Variants in AFDN observed in about 807,000 individuals in gnomAD.
AFDN encodes afadin.
AFDN carries 68 observed loss-of-function variants against 216.6 expected under a neutral mutation model. The ratio of observed to expected loss-of-function variants is 0.31; its 90% CI spans 0.26 to 0.38. The LOEUF (loss-of-function observed/expected upper bound fraction) is 0.38. AFDN is among the 10% of genes least tolerant of loss of function. The pLI, the probability that AFDN is intolerant of heterozygous loss-of-function variation, is 1.00. For synonymous variants in AFDN, 868 were observed against 853.7 expected (o/e 1.02, Z -0.29); for missense variants, 2,136 against 2,342.0 (o/e 0.91, Z 1.82).
chr6:167,947,797 T>C, intron 27 of AFDN, 56 bp from the exon 28 acceptor site: 4 of 1,142,772 alleles, frequency 3.5e-6, no homozygotes, highest in East Asian at 4.8e-5. Flanking sequence ...TTTCATGTTA[T>C]ATATAGGTTG....
intron 1 of AFDN, among the ~76,000 whole-genome samples, chr6:167,832,809 G>C (rs974061546): frequency 1.3e-5 from 2 of 152,184 alleles, no homozygotes; most frequent in African/African-American, 4.8e-5. Flanking sequence ...ATGGCTTACA[G>C]AAAATAAGCA....
At chr6:167,921,808 TA>T (rs3837051) in intron 21 of AFDN, among the ~76,000 whole-genome samples, 5,285 of 148,280 alleles carry the variant, frequency 0.036, 101 homozygotes, top group African/African-American at 0.046. Flanking sequence ...ATTTAAAAAA[TA>T]AAAAAAAAAA....
At chr6:167,862,925 C>A (rs1783757925) in intron 1 of AFDN, among the ~76,000 whole-genome samples, 1 of 152,174 alleles carries the variant, frequency 6.6e-6, no homozygotes. Context: ...TCTGAACATA[C>A]ATGCTCATTT....
At chr6:167,918,610 G>C (rs1204099934) in intron 20 of AFDN, 125 bp from the exon 21 acceptor site, 3 of 487,708 alleles carry the variant, frequency 6.2e-6, no homozygotes, top group Admixed American at 6.6e-5. Context: ...GCGTCTGTCT[G>C]TGTGTGTGTG....
chr6:167,931,938 C>G (rs1793355916), intron 23 of AFDN, among the ~76,000 whole-genome samples: 1 of 152,184 alleles, frequency 6.6e-6, no homozygotes, highest in African/African-American at 2.4e-5. Flanking sequence ...GCCCATGGCA[C>G]CCCCTCTCAA....
intron 23 of AFDN, among the ~76,000 whole-genome samples, chr6:167,938,481 A>G (rs1374560267): frequency 3.9e-5 from 6 of 152,316 alleles, no homozygotes; most frequent in African/African-American, 1.4e-4. Context: ...TCATTTTGCC[A>G]GAATTTGTCT....
rs1416020378 is a variant in AFDN, at chr6:167,962,426, T to C, written c.4834-7T>C. The stretch of plus-strand genomic sequence containing the variant: ...GTGGAGGGAGATTAATGTCAGCCTG[T>C]TGTTAGTTGCAGGACGAGGAGCGGA... On this transcript the variant is annotated splice_polypyrimidine_tract_variant and splice_region_variant and intron_variant, in intron 30 of 33. Transcript: ENST00000683244. This position sits in a 1 kb window ranked among gnomAD's most constrained non-coding sequence, Gnocchi z 5.2. 1 of 1,613,420 alleles carries C rather than the reference T, an allele frequency of 6.2e-7. No homozygotes were observed. Among genetic ancestry groups the C allele is most frequent in the Non-Finnish European group, 8.5e-7 (1 of 1,179,766 alleles).
intron 3 of AFDN, 25 bp from the exon 4 acceptor site, chr6:167,872,189 A>G (rs748789755): frequency 1.3e-6 from 2 of 1,596,166 alleles, no homozygotes; most frequent in South Asian, 2.3e-5. Context: ...AGTAGTCAAT[A>G]TGGTGATAAT....
chr6:167,944,777 C>T (rs1358142872), intron 26 of AFDN, among the ~76,000 whole-genome samples: 2 of 149,618 alleles, frequency 1.3e-5, no homozygotes, highest in Non-Finnish European at 3.0e-5. Context: ...AGAAAAACTA[C>T]AGTTAAAAAA....
At chr6:167,901,943 A>G (rs1455096129) in intron 11 of AFDN, among the ~76,000 whole-genome samples, 1 of 151,590 alleles carries the variant, frequency 6.6e-6, no homozygotes, top group Non-Finnish European at 1.5e-5. Flanking sequence ...AAATACAATA[A>G]TTAGCCGGGC....
In AFDN at chr6:167,880,535, A is replaced by G; in HGVS notation, c.897+18A>G. ...TCGCCCGGGTAAGGAACTTTATCAA[A>G]TCAGTAGTTCTTTCTACTTCACATT... On this transcript the variant is annotated intron_variant, in intron 6 of 33. Coordinates refer to ENST00000683244, the MANE Select transcript of AFDN (RefSeq NM_001386888.1). 1 of 1,610,488 alleles carries G rather than the reference A, an allele frequency of 6.2e-7. No individual in the cohort carries two copies. Among genetic ancestry groups the G allele is most frequent in the Non-Finnish European group, 8.5e-7 (1 of 1,178,164 alleles).
chr6:167,879,615 C>T (rs1361077110), intron 5 of AFDN, among the ~76,000 whole-genome samples: 2 of 152,140 alleles, frequency 1.3e-5, no homozygotes, highest in Non-Finnish European at 2.9e-5. Flanking sequence ...CAGGTTATGA[C>T]ACCAAAAGTG....
chr6:167,948,198 A>G, intron 28 of AFDN, 95 bp from the exon 29 acceptor site: 4 of 1,060,450 alleles, frequency 3.8e-6, no homozygotes, highest in Non-Finnish European at 4.0e-6. Flanking sequence ...TATTTAACAT[A>G]TACTATTTTT....
intron 1 of AFDN, among the ~76,000 whole-genome samples, chr6:167,856,301 T>A (rs1484878646): frequency 2.0e-5 from 3 of 152,010 alleles, no homozygotes; most frequent in African/African-American, 4.8e-5. Context: ...TAGCTTTGTA[T>A]GTATAGGAGA....
intron 5 of AFDN, among the ~76,000 whole-genome samples, chr6:167,877,785 G>C (rs1045988446): frequency 6.6e-6 from 1 of 152,180 alleles, no homozygotes; most frequent in Non-Finnish European, 1.5e-5. Flanking sequence ...ACTTCTCTGA[G>C]AGTGACAGCT....
intron 1 of AFDN, among the ~76,000 whole-genome samples, chr6:167,839,128 C>A (rs1780770376): frequency 6.6e-6 from 1 of 152,070 alleles, no homozygotes; most frequent in Non-Finnish European, 1.5e-5. Context: ...ACAGTAGCTT[C>A]TGATAAATCA....
intron 4 of AFDN, among the ~76,000 whole-genome samples, chr6:167,873,297 G>T (rs1784985661): frequency 6.6e-6 from 1 of 152,042 alleles, no homozygotes; most frequent in African/African-American, 2.4e-5. Context: ...GTCTGGAGAG[G>T]CTTTAAACAG....
chr6:167,875,648 C>T (rs890167787), intron 5 of AFDN, among the ~76,000 whole-genome samples, 153 bp downstream of exon 5: 1 of 151,896 alleles, frequency 6.6e-6, no homozygotes, highest in African/African-American at 2.4e-5. Context: ...CAAAATCAGC[C>T]TACCCTATGT....
rs374333350 is a variant in AFDN, at chr6:167,944,057, G to A, written c.3356G>A (p.Arg1119Lys). 3.1e-6 allele frequency: 5 copies of A among 1,611,642 alleles called. No individual in the cohort carries two copies. Among genetic ancestry groups the A allele is most frequent in the Non-Finnish European group, 4.2e-6 (5 of 1,177,852 alleles). The change falls in exon 26 of 34, where the codon AGA becomes AAA. Residue 1119 changes from arginine to lysine, a missense_variant and splice_region_variant. Around this residue, in one of 8 missense-constraint regions of AFDN, gnomAD observed 981 missense variants for 966.0 expected, o/e 1.02. Coordinates refer to ENST00000683244, the MANE Select transcript of AFDN (RefSeq NM_001386888.1). ...AATCAGCCATCCCCCATGATGCAGA[G>A]AAGTAAGGACCAGTAGGGAAACAAC... ...LLNQPSPMMQ[R>K]ISDRRGSGKP...
Sources: gnomAD v4.1 joint callset for allele counts (sites outside exome capture counted in the v4.1 genomes callset) on GRCh38, gnomAD v4.1.1 for gene constraint, gnomAD v4.1.1 regional missense constraint, Gnocchi (gnomAD v3.1) non-coding constraint, MANE v1.5 for transcripts, NCBI Gene and HGNC (gene_info 2026-07-23, HGNC 2026-07-21) for gene names.